The following FHAD1 variants were observed in gnomAD, a reference collection of about 807,000 sequenced individuals.
FHAD1 encodes forkhead-associated domain-containing protein 1.
FHAD1 carries 146 observed loss-of-function variants against 191.3 expected under a neutral mutation model. The observed-to-expected ratio is 0.76, with a 90% CI of 0.67 to 0.88. The LOEUF (loss-of-function observed/expected upper bound fraction) is 0.88, where lower values mean the gene tolerates loss of function less well. FHAD1 is among the 40% of genes least tolerant of loss of function. The pLI is 0.00. For synonymous variants in FHAD1, 616 were observed against 672.3 expected (o/e 0.92, Z 1.29); for missense variants, 1,635 against 1,785.8 (o/e 0.92, Z 1.52).
rs938070787 is a variant in FHAD1, at chr1:15,251,852, A to T, written c.68A>T (p.His23Leu). 37 of 1,552,408 alleles carry T rather than the reference A, an allele frequency of 2.4e-5. No homozygotes were observed. In the African/African-American group the frequency reaches 4.6e-4, roughly 19 times the overall value. Residue 23 changes from histidine to leucine, a missense_variant, in exon 2 of 34, where the codon CAT becomes CTT. By Grantham distance (99) the His-to-Leu change is moderately conservative. Transcript: ENST00000688493. ...AATAAAAGTACCACAATTGGAAGGC[A>T]TGAAAATTCAGACCTTGTTTTACAG... ...VLNKSTTIGR[H>L]ENSDLVLQSP...
chr1:15,398,951 G>T (rs1706795464), downstream of FHAD1, among the ~76,000 whole-genome samples: 1 of 151,860 alleles, frequency 6.6e-6, no homozygotes, highest in Non-Finnish European at 1.5e-5. Context: ...CTCCTAAGTA[G>T]CTGGGATTAC....
At chr1:15,285,754 CTGTT>C (rs1476116660) in intron 3 of FHAD1, among the ~76,000 whole-genome samples, 2 of 152,218 alleles carry the variant, frequency 1.3e-5, no homozygotes, top group East Asian at 3.9e-4. Flanking sequence ...ACCAGCTTCT[CTGTT>C]TGTTCATTAT....
At chr1:15,326,309 C>T (rs557648431) in intron 11 of FHAD1, 1 of 152,344 alleles carries the variant, frequency 6.6e-6, no homozygotes, top group South Asian at 2.1e-4. Context: ...GAAAGTCGGG[C>T]TCCTTTTTAC....
intron 2 of FHAD1, among the ~76,000 whole-genome samples, chr1:15,258,697 T>C (rs1649535552): frequency 6.6e-6 from 1 of 152,064 alleles, no homozygotes; most frequent in Non-Finnish European, 1.5e-5. Context: ...GTGATTCTCC[T>C]GCCTCAGCCT....
chr1:15,352,894 T>C lies in FHAD1; in HGVS notation c.2472T>C (p.Ile824=). 1 of 1,551,370 alleles carries C rather than the reference T, an allele frequency of 6.4e-7. No homozygotes were observed. Among genetic ancestry groups the C allele is most frequent in the Non-Finnish European group, 8.7e-7 (1 of 1,146,922 alleles). Residue 824 remains isoleucine, a synonymous_variant, in exon 20 of 34, where the codon ATT becomes ATC. Coordinates refer to ENST00000688493, the MANE Select transcript of FHAD1 (RefSeq NM_001391957.1). Reference sequence around the variant, plus strand: ...ACTTCCAGATCTCAGAGAGCAACATTGCGTACGAGAAACGCAAAGCAAAGG... The same window carrying C: ...ACTTCCAGATCTCAGAGAGCAACATCGCGTACGAGAAACGCAAAGCAAAGG... ...TQQKEISESN[I]AYEKRKAKEA...
At chr1:15,291,126 T>TC (rs1456100202) in intron 4 of FHAD1, among the ~76,000 whole-genome samples, 1 of 150,980 alleles carries the variant, frequency 6.6e-6, no homozygotes, top group African/African-American at 2.4e-5. Context: ...TTTTTTTTTT[T>TC]TCTTGAGACA....
chr1:15,362,914 A>G (rs145783623), intron 23 of FHAD1, among the ~76,000 whole-genome samples, 188 bp downstream of exon 23: 2 of 152,302 alleles, frequency 1.3e-5, no homozygotes, highest in East Asian at 3.9e-4. Flanking sequence ...CAGAAGCCAA[A>G]CAAGGAGCCA....
At chr1:15,294,026 G>A (rs548395949) in intron 4 of FHAD1, among the ~76,000 whole-genome samples, 8 of 152,198 alleles carry the variant, frequency 5.3e-5, no homozygotes, top group Admixed American at 6.5e-5. Flanking sequence ...CATGATGTCC[G>A]CTCCCAAACT....
chr1:15,374,517 G>A lies in FHAD1; in HGVS notation c.3463G>A (p.Asp1155Asn), dbSNP rs181011016. Residue 1155 changes from aspartate to asparagine, a missense_variant, in exon 27 of 34, where the codon GAT becomes AAT. Asp to Asn is a conservative substitution (Grantham distance 23). Coordinates refer to ENST00000688493, the MANE Select transcript of FHAD1 (RefSeq NM_001391957.1). Reference sequence around the variant, plus strand: ...CTGCCCACAGCAGCAATCCTTCAGCGATCTAGGGGTCAGGTGCAAAGGGTC... The same window carrying A: ...CTGCCCACAGCAGCAATCCTTCAGCAATCTAGGGGTCAGGTGCAAAGGGTC... ...SSSQEQQSFS[D>N]LGVRCKGSRH... The A allele has an allele frequency of 1.9e-4, 297 of 1,551,812 alleles. No homozygotes were observed. Among genetic ancestry groups the A allele is most frequent in the Non-Finnish European group, 2.3e-4 (269 of 1,147,020 alleles).
intron 18 of FHAD1, among the ~76,000 whole-genome samples, chr1:15,346,757 G>A (rs948456243): frequency 2.0e-5 from 3 of 152,200 alleles, no homozygotes; most frequent in African/African-American, 7.2e-5. Context: ...AGAGGAGTGC[G>A]GGCTTTGCAG....
At chr1:15,305,811 T>G (rs1402950245) in intron 6 of FHAD1, 1 of 440,936 alleles carries the variant, frequency 2.3e-6, no homozygotes, top group Non-Finnish European at 4.5e-6. Context: ...TCCCCGGCCA[T>G]GTGGAACTGT....
rs138193362 is a variant in FHAD1 at position 15,350,114 on chromosome 1, C to T, written c.2454+965C>T. 2.4e-3 allele frequency among the ~76,000 whole-genome samples: 373 copies of T among 152,364 alleles called. 2 individuals carry two copies. The highest frequency in any genetic ancestry group is 7.6e-3 in the African/African-American group (317 of 41,586). On this transcript the variant is annotated intron_variant, in intron 19 of 33. Transcript: ENST00000688493. ...ACGGTTCGATTCGGTTTCATTCATC[C>T]GCCCATAAATATTCATTTATCCACC...
At chr1:15,301,894 G>A (rs1390638229) in intron 6 of FHAD1, among the ~76,000 whole-genome samples, 1 of 152,166 alleles carries the variant, frequency 6.6e-6, no homozygotes, top group Non-Finnish European at 1.5e-5. Flanking sequence ...AGGCGTGATG[G>A]TGCATGCCTG....
At chr1:15,236,829 C>A (rs985654014) in intron 1 of FHAD1, among the ~76,000 whole-genome samples, 6 of 152,206 alleles carry the variant, frequency 3.9e-5, no homozygotes, top group African/African-American at 1.4e-4. Context: ...TTGGCTGTGT[C>A]TGCAACCAAA....
intron 18 of FHAD1, 34 bp downstream of exon 18, chr1:15,345,557 A>G (rs1158569292): frequency 3.3e-6 from 5 of 1,501,870 alleles, no homozygotes; most frequent in Admixed American, 2.0e-5. Context: ...GCTGAGCCCC[A>G]GTCGGCTTGA....
At chr1:15,302,262 C>G (rs1431459301) in intron 6 of FHAD1, among the ~76,000 whole-genome samples, 1 of 152,156 alleles carries the variant, frequency 6.6e-6, no homozygotes, top group South Asian at 2.1e-4. Context: ...AGGAACTGCC[C>G]GGTGTTCCAA....
rs12077702 is a variant in FHAD1, at chr1:15,276,077, C to G, written c.300+3548C>G. On this transcript the variant is annotated intron_variant, in intron 3 of 33. Transcript: ENST00000688493. This position sits in a 1 kb window ranked among gnomAD's most constrained non-coding sequence, Gnocchi z 4.7. ...TGGCTAGCGTGGGTGTCCTGAAGTT[C>G]AAGTGAGTCTGCCCCACACAGTTCT... 1.0e-3 allele frequency among the ~76,000 whole-genome samples: 153 copies of G among 152,290 alleles called. No homozygotes were observed. The highest frequency in any genetic ancestry group is 3.6e-3 in the African/African-American group (149 of 41,564).
chr1:15,392,339 T>C (rs907332357), intron 33 of FHAD1, among the ~76,000 whole-genome samples: 4 of 152,150 alleles, frequency 2.6e-5, no homozygotes, highest in Non-Finnish European at 4.4e-5. Context: ...GAGACCATCC[T>C]GGCTAACACG....
intron 1 of FHAD1, among the ~76,000 whole-genome samples, chr1:15,239,804 T>C (rs1246623362): frequency 1.3e-5 from 2 of 152,226 alleles, no homozygotes; most frequent in African/African-American, 4.8e-5. Flanking sequence ...AGGCATGTGC[T>C]GCGACTCAAG....
Sources: allele counts gnomAD v4.1 joint callset (sites outside exome capture counted in the v4.1 genomes callset), GRCh38; gene constraint gnomAD v4.1.1; non-coding constraint Gnocchi (gnomAD v3.1); transcripts MANE v1.5; gene names NCBI Gene and HGNC (gene_info 2026-07-23, HGNC 2026-07-21).